TNFSF15: variants seen among roughly 807,000 people sequenced by gnomAD.
TNFSF15 encodes tumor necrosis factor ligand superfamily member 15.
A neutral mutation model predicts 26.4 loss-of-function variants in TNFSF15; 15 were observed. That is an observed-to-expected ratio of 0.57 (90% CI 0.38 to 0.87). TNFSF15 has a LOEUF of 0.87. TNFSF15 is among the 40% of genes least tolerant of loss of function. The pLI is 0.00. For missense variants in TNFSF15, 290 were observed against 306.1 expected (o/e 0.95, Z 0.39); for synonymous variants, 116 against 115.0 (o/e 1.01, Z -0.06).
At position 114,789,966 on chromosome 9, in the gene TNFSF15, A is replaced by T. The variant is rs1326789941; in HGVS notation, c.*486T>A. 1 of 153,782 alleles carries T rather than the reference A, an allele frequency of 6.5e-6. No homozygotes were observed. Among genetic ancestry groups the T allele is most frequent in the Non-Finnish European group, 1.4e-5 (1 of 69,058 alleles). The allele number at this position is 153,782 out of a possible 1,614,324, so 9.5% of individuals were successfully genotyped here. On this transcript the variant is annotated 3_prime_UTR_variant, in exon 4 of 4. Coordinates refer to ENST00000374045, the MANE Select transcript of TNFSF15 (RefSeq NM_005118.4). ...TTCATTTTTTTTAGGCAAGGCATGAAAGTATGTGGAAAAATTGGTGAAGGA... is the reference window on the plus strand; with the variant it reads ...TTCATTTTTTTTAGGCAAGGCATGATAGTATGTGGAAAAATTGGTGAAGGA...
intron 1 of TNFSF15, among the ~76,000 whole-genome samples, chr9:114,794,828 T>C (rs1829654958): frequency 6.6e-6 from 1 of 152,100 alleles, no homozygotes; most frequent in Admixed American, 6.6e-5. Context: ...AAAGAGTCGG[T>C]CTCATGCGAG....
chr9:114,801,964 T>G (rs1475319651), intron 1 of TNFSF15, among the ~76,000 whole-genome samples: 2 of 152,242 alleles, frequency 1.3e-5, no homozygotes, highest in Non-Finnish European at 2.9e-5. Flanking sequence ...AGATATAACA[T>G]GCATTTCCAA....
intron 1 of TNFSF15, among the ~76,000 whole-genome samples, chr9:114,795,484 T>C (rs1587899611): frequency 6.6e-6 from 1 of 152,374 alleles, no homozygotes; most frequent in East Asian, 1.9e-4. Flanking sequence ...AGCAACAATT[T>C]ACACTGTATT....
intron 1 of TNFSF15, among the ~76,000 whole-genome samples, chr9:114,802,836 C>T (rs1829766463): frequency 6.6e-6 from 1 of 152,182 alleles, no homozygotes; most frequent in Non-Finnish European, 1.5e-5. Flanking sequence ...TGGAACAGCA[C>T]AAATATGGCT....
At chr9:114,796,275 C>T (rs888217503) in intron 1 of TNFSF15, among the ~76,000 whole-genome samples, 8 of 152,274 alleles carry the variant, frequency 5.3e-5, no homozygotes, top group Admixed American at 3.9e-4. Flanking sequence ...GATCTATTTC[C>T]TGGCCTGCCT....
At chr9:114,804,422 G>A (rs1829789803) in intron 1 of TNFSF15, among the ~76,000 whole-genome samples, 1 of 152,176 alleles carries the variant, frequency 6.6e-6, no homozygotes, top group African/African-American at 2.4e-5. Flanking sequence ...GCCTTCTGCT[G>A]ACCAAGGGCT....
At chr9:114,795,371 G>A (rs78898276) in intron 1 of TNFSF15, among the ~76,000 whole-genome samples, 3,157 of 152,112 alleles carry the variant, frequency 0.021, 113 homozygotes, top group African/African-American at 0.072. Flanking sequence ...GTATAGTCAG[G>A]TTCTATGATT....
intron 1 of TNFSF15, among the ~76,000 whole-genome samples, chr9:114,804,060 C>G (rs560384896): frequency 1.3e-5 from 2 of 152,230 alleles, no homozygotes; most frequent in East Asian, 3.8e-4. Context: ...AGCCTCACCC[C>G]CATTTCCCTC....
rs1404638260 is a variant in TNFSF15, at chr9:114,787,995, C to G, written c.*2457G>C. 6.5e-6 allele frequency: 1 copy of G among 153,684 alleles called. No individual in the cohort carries two copies. The highest frequency in any genetic ancestry group is 2.4e-5 in the African/African-American group (1 of 41,456). The allele number at this position is 153,684 out of a possible 1,614,324, so 9.5% of individuals were successfully genotyped here. ...GAGCAGGCCACTCTTCTGTGCAAAACTCCTCCTGCATACCAAAGCTGCTTG... is the reference window on the plus strand; with the variant it reads ...GAGCAGGCCACTCTTCTGTGCAAAAGTCCTCCTGCATACCAAAGCTGCTTG... On this transcript the variant is annotated 3_prime_UTR_variant, in exon 4 of 4. Transcript: ENST00000374045.
chr9:114,804,276 G>A (rs56208875), intron 1 of TNFSF15, among the ~76,000 whole-genome samples: 2 of 152,288 alleles, frequency 1.3e-5, no homozygotes, highest in East Asian at 1.9e-4. Flanking sequence ...AAAAGACCCC[G>A]TGCCTTCCTT....
At chr9:114,800,600 A>G (rs1829733427) in intron 1 of TNFSF15, among the ~76,000 whole-genome samples, 1 of 152,182 alleles carries the variant, frequency 6.6e-6, no homozygotes, top group African/African-American at 2.4e-5. Context: ...CAGCTTCATC[A>G]TCTCTAAAAT....
rs557041991 is a variant in TNFSF15 at position 114,790,702 on chromosome 9, C to A, written c.506G>T (p.Gly169Val). Residue 169 changes from glycine (G) to valine (V), a missense_variant, in exon 4 of 4, where the codon GGC becomes GTC. Gly to Val is a moderately radical substitution (Grantham distance 109). Transcript: ENST00000374045. The part of the protein sequence containing the change: ...TSECSEIRQA[G>V]RPNKPDSITV... ...GATGGAGTCTGGCTTGTTTGGTCGG[C>A]CTGCTTGTCTGATTTCACTGCACTC... is the stretch of plus-strand genomic sequence containing the variant. 1.2e-6 allele frequency: 2 copies of A among 1,613,962 alleles called. No homozygotes were observed. Among genetic ancestry groups the A allele is most frequent in the African/African-American group, 1.3e-5 (1 of 74,982 alleles).
At chr9:114,799,767 G>A (rs1255080400) in intron 1 of TNFSF15, among the ~76,000 whole-genome samples, 1 of 152,198 alleles carries the variant, frequency 6.6e-6, no homozygotes, top group Non-Finnish European at 1.5e-5. Context: ...ACTTTACCTG[G>A]TGGTTGAGTG....
At chr9:114,794,632 A>G (rs930720212) in intron 1 of TNFSF15, among the ~76,000 whole-genome samples, 1 of 152,244 alleles carries the variant, frequency 6.6e-6, no homozygotes, top group Non-Finnish European at 1.5e-5. Flanking sequence ...CCATATCTCT[A>G]TCAAGATATA....
At position 114,789,162 on chromosome 9, in the gene TNFSF15, A is replaced by G. The variant is rs916467308; in HGVS notation, c.*1290T>C. ...ATCAAACAAGTTGGCAGTGTAGTTG[A>G]TCTAGTTAACCAGGTATCTGTCTTC... On this transcript the variant is annotated 3_prime_UTR_variant, in exon 4 of 4. Transcript: ENST00000374045. 6.6e-6 allele frequency: 1 copy of G among 152,170 alleles called. No homozygotes were observed. The highest frequency in any genetic ancestry group is 1.5e-5 in the Non-Finnish European group (1 of 68,026). The allele number at this position is 152,170 out of a possible 1,614,324, so 9.4% of individuals were successfully genotyped here. A position where few individuals can be genotyped will look rare whatever the true frequency, so the allele number is the denominator to read the frequency against.
At chr9:114,794,283 A>G (rs1564345317) in intron 1 of TNFSF15, among the ~76,000 whole-genome samples, 3 of 152,216 alleles carry the variant, frequency 2.0e-5, no homozygotes, top group Admixed American at 1.3e-4. Flanking sequence ...AAATCAGAAA[A>G]TCTATGAGTT....
At chr9:114,805,752 C>T (rs1692641036) in intron 1 of TNFSF15, 51 bp downstream of exon 1, 1 of 1,562,568 alleles carries the variant, frequency 6.4e-7, no homozygotes, top group Admixed American at 1.7e-5. Flanking sequence ...TTGCCACTCA[C>T]TGCAGAGAGT....
chr9:114,790,695 T>G lies in TNFSF15; in HGVS notation c.513A>C (p.Pro171=). ...ECSEIRQAGR[P]NKPDSITVVI... ...CCACAGTGATGGAGTCTGGCTTGTT[T>G]GGTCGGCCTGCTTGTCTGATTTCAC... Residue 171 remains proline, a synonymous_variant, in exon 4 of 4, where the codon CCA becomes CCC. Transcript: ENST00000374045. The G allele has an allele frequency of 6.2e-7, 1 of 1,614,100 alleles. No individual in the cohort carries two copies. Among genetic ancestry groups the G allele is most frequent in the East Asian group, 2.2e-5 (1 of 44,860 alleles).
intron 1 of TNFSF15, among the ~76,000 whole-genome samples, chr9:114,801,332 G>C (rs1339981676): frequency 6.6e-6 from 1 of 152,216 alleles, no homozygotes; most frequent in Non-Finnish European, 1.5e-5. Flanking sequence ...AGAATGCCCA[G>C]CCTACAGGGC....
Sources: gnomAD v4.1 joint callset for allele counts (sites outside exome capture counted in the v4.1 genomes callset) on GRCh38, gnomAD v4.1.1 for gene constraint, MANE v1.5 for transcripts, NCBI Gene and HGNC (gene_info 2026-07-23, HGNC 2026-07-21) for gene names.